The following ZNF595 variants were observed in gnomAD, a reference collection of about 807,000 sequenced individuals.
ZNF595 encodes the protein zinc finger protein 595.
Under a neutral mutation model 19.4 loss-of-function variants are expected in ZNF595, and 9 were observed. The observed-to-expected ratio is 0.46, with a 90% confidence interval of 0.28 to 0.81. The LOEUF is 0.81. Ranked by LOEUF, ZNF595 falls within the 30% of genes least tolerant of loss-of-function variation. The pLI is 0.11. For synonymous variants in ZNF595, 255 were observed against 255.9 expected (o/e 1.00, Z 0.03); for missense variants, 729 against 736.0 (o/e 0.99, Z 0.11).
intron 3 of ZNF595, among the ~76,000 whole-genome samples, chr4:62,064 A>G (rs1264576199): frequency 8.1e-6 from 1 of 122,700 alleles, no homozygotes; most frequent in Non-Finnish European, 1.7e-5. Context: ...TTGTAAGCAT[A>G]CTTTACAGTA....
chr4:76,909 A>C (rs1011281708), intron 3 of ZNF595, among the ~76,000 whole-genome samples: 1 of 152,068 alleles, frequency 6.6e-6, no homozygotes, highest in Non-Finnish European at 1.5e-5. Flanking sequence ...TTGGCAGTTC[A>C]ATTATGTGTT....
chr4:79,562 C>G (rs1553799442), intron 3 of ZNF595, among the ~76,000 whole-genome samples: 1 of 152,032 alleles, frequency 6.6e-6, no homozygotes, highest in Non-Finnish European at 1.5e-5. Context: ...TTACTGGGCT[C>G]ACTGGATACT....
rs782003369 is a variant in ZNF595 at position 86,936 on chromosome 4, A to T, written c.1432A>T (p.Lys478Ter). 1 of 1,611,098 alleles carries T rather than the reference A, an allele frequency of 6.2e-7. No homozygotes were observed. The highest frequency in any genetic ancestry group is 1.7e-5 in the Admixed American group (1 of 59,838). The change falls in exon 4 of 4, where the codon AAA becomes TAA. Residue 478 changes from lysine (K) to a stop codon, truncating the protein, a stop_gained. Coordinates refer to ENST00000610261, the MANE Select transcript of ZNF595 (RefSeq NM_182524.4). LOFTEE classifies it high-confidence loss of function. Reference sequence around the variant, plus strand: ...ACATAAGAAAATTCATACTGGCGAGAAACCCTACAAATGTGAAGAATGTGG... The same window carrying T: ...ACATAAGAAAATTCATACTGGCGAGTAACCCTACAAATGTGAAGAATGTGG... ...NEHKKIHTGE[K>*]PYKCEECGKA...
chr4:78,907 G>A (rs926131489), intron 3 of ZNF595, among the ~76,000 whole-genome samples: 3 of 152,192 alleles, frequency 2.0e-5, no homozygotes, highest in Non-Finnish European at 2.9e-5. Context: ...TGGTCAGGCT[G>A]GTCTTGAACT....
chr4:81,533 ATAT>A (rs1395478589), intron 3 of ZNF595, among the ~76,000 whole-genome samples: 1 of 152,200 alleles, frequency 6.6e-6, no homozygotes. Flanking sequence ...TCTGTTTTAG[ATAT>A]TATTTTTGAT....
At chr4:73,457 C>G (rs1713513033) in intron 3 of ZNF595, among the ~76,000 whole-genome samples, 1 of 152,072 alleles carries the variant, frequency 6.6e-6, no homozygotes, top group African/African-American at 2.4e-5. Flanking sequence ...GTTCTGAACA[C>G]TGAAGACAAA....
intron 1 of ZNF595, among the ~76,000 whole-genome samples, chr4:57,322 T>G (rs1335088575): frequency 3.9e-5 from 6 of 152,368 alleles, no homozygotes; most frequent in African/African-American, 1.2e-4. Flanking sequence ...TAGAGTACTT[T>G]TTTCCTTCGC....
At chr4:79,675 G>GTTTTTTTTTTTTTT (rs202205324) in intron 3 of ZNF595, among the ~76,000 whole-genome samples, 2 of 127,504 alleles carry the variant, frequency 1.6e-5, no homozygotes, top group Non-Finnish European at 3.4e-5. Flanking sequence ...CAGCTTTGTT[G>GTTTTTTTTTTTTTT]TTTTTTTTTT....
At chr4:84,119 T>C (rs1714037602) in intron 3 of ZNF595, among the ~76,000 whole-genome samples, 1 of 152,198 alleles carries the variant, frequency 6.6e-6, no homozygotes. Flanking sequence ...TGCCCTCAAC[T>C]TTGTTATTAA....
intron 3 of ZNF595, among the ~76,000 whole-genome samples, chr4:73,725 T>G (rs1354325130): frequency 6.6e-6 from 1 of 152,198 alleles, no homozygotes; most frequent in Non-Finnish European, 1.5e-5. Context: ...AGTAATCTGG[T>G]AAACATAGGT....
chr4:59,197 TGC>T (rs1385825425), intron 1 of ZNF595, among the ~76,000 whole-genome samples: 6 of 152,012 alleles, frequency 3.9e-5, no homozygotes, highest in Non-Finnish European at 1.5e-5. Flanking sequence ...GGACCTGCTT[TGC>T]TTGGTTTTGG....
Position 87,405 on chromosome 4 carries a change from C to T in ZNF595, c.1901C>T (p.Thr634Ile). 6.2e-7 allele frequency: 1 copy of T among 1,611,524 alleles called. No homozygotes were observed. The highest frequency in any genetic ancestry group is 8.5e-7 in the Non-Finnish European group (1 of 1,178,554). ...ECGKAFNRPS[T>I]LTVHKRIHTG... ...GGCAAAGCTTTTAATCGGCCCTCAA[C>T]CCTTACTGTACACAAGCGAATTCAT... Residue 634 changes from threonine to isoleucine, a missense_variant, in exon 4 of 4, where the codon ACC (threonine) becomes ATC (isoleucine). Transcript: ENST00000610261.
chr4:84,819 A>C (rs1480321082), intron 3 of ZNF595, among the ~76,000 whole-genome samples: 1 of 151,944 alleles, frequency 6.6e-6, no homozygotes, highest in Non-Finnish European at 1.5e-5. Flanking sequence ...CATTTGTCTT[A>C]TTATATTTAG....
At chr4:60,990 T>C (rs2108746663) in intron 3 of ZNF595, among the ~76,000 whole-genome samples, 1 of 152,156 alleles carries the variant, frequency 6.6e-6, no homozygotes, top group East Asian at 1.9e-4. Flanking sequence ...AATTATAAAA[T>C]ACACAAACAG....
At chr4:64,792 C>T (rs1581328774) in intron 3 of ZNF595, among the ~76,000 whole-genome samples, 1 of 152,308 alleles carries the variant, frequency 6.6e-6, no homozygotes, top group Non-Finnish European at 1.5e-5. Context: ...TCCTTGAGGA[C>T]ATTAATCTAT....
chr4:82,060 C>G (rs1713929097), intron 3 of ZNF595, among the ~76,000 whole-genome samples: 1 of 152,046 alleles, frequency 6.6e-6, no homozygotes. Context: ...TAGCTGTTCA[C>G]CTGTATACCC....
intron 3 of ZNF595, among the ~76,000 whole-genome samples, chr4:80,684 T>C (rs1440767275): frequency 1.3e-5 from 2 of 150,578 alleles, no homozygotes; most frequent in East Asian, 3.9e-4. Flanking sequence ...GGTGCTCAGT[T>C]GGGGAGCTTC....
rs1714243687 is a variant in ZNF595, at chr4:87,102, A to G, written c.1598A>G (p.Gln533Arg). 1 of 1,613,940 alleles carries G rather than the reference A, an allele frequency of 6.2e-7. No individual in the cohort carries two copies. Among genetic ancestry groups the G allele is most frequent in the Non-Finnish European group, 8.5e-7 (1 of 1,179,946 alleles). The change falls in exon 4 of 4, where the codon CAA becomes CGA. Residue 533 changes from glutamine (Q) to arginine (R), a missense_variant. Coordinates refer to ENST00000610261, the MANE Select transcript of ZNF595 (RefSeq NM_182524.4). ...ATACACAGGAGCATTCATTCTGAAC[A>G]AAAACTTTACAAATGTGAAGAATGT... ...LIIHRSIHSE[Q>R]KLYKCEECGK...
chr4:82,445 G>A (rs535355912), intron 3 of ZNF595, among the ~76,000 whole-genome samples: 8 of 134,098 alleles, frequency 6.0e-5, no homozygotes, highest in South Asian at 2.5e-4. Flanking sequence ...GTGCAACAGC[G>A]TGATCTCAGC....
Sources: gnomAD v4.1 joint callset for allele counts (sites outside exome capture counted in the v4.1 genomes callset) on GRCh38, gnomAD v4.1.1 for gene constraint, MANE v1.5 for transcripts, NCBI Gene and HGNC (gene_info 2026-07-23, HGNC 2026-07-21) for gene names.